The following AARSD1 variants were observed in gnomAD, a reference collection of about 807,000 sequenced individuals.
The protein encoded by AARSD1 is alanyl-tRNA editing protein Aarsd1.
In AARSD1, 44 loss-of-function variants were observed where a neutral mutation model predicts 48.7. The ratio of observed to expected loss-of-function variants is 0.90; its 90% CI spans 0.71 to 1.16. The LOEUF (loss-of-function observed/expected upper bound fraction) is 1.16. AARSD1 is among the 50% of genes most tolerant of loss of function. AARSD1 has a pLI of 0.00. For missense variants in AARSD1, 511 were observed against 523.1 expected (o/e 0.98, Z 0.23); for synonymous variants, 189 against 194.9 (o/e 0.97, Z 0.25).
At chr17:42,957,230 A>G (rs1201309781) in intron 3 of AARSD1, 35 bp from the exon 4 acceptor site, 3 of 1,612,212 alleles carry the variant, frequency 1.9e-6, no homozygotes, top group Non-Finnish European at 2.5e-6. Context: ...GAGAAAAGTG[A>G]GAAGCCTACA....
At chr17:42,958,371 T>C (rs574900084) in intron 3 of AARSD1, among the ~76,000 whole-genome samples, 1 of 151,350 alleles carries the variant, frequency 6.6e-6, no homozygotes, top group Non-Finnish European at 1.5e-5. Flanking sequence ...TGTGGTGGCA[T>C]GCACCTGTAA....
intron 10 of AARSD1, chr17:42,952,172 A>G: frequency 2.3e-6 from 1 of 426,106 alleles, no homozygotes; most frequent in Non-Finnish European, 4.3e-6. Context: ...TCACTCTTGC[A>G]AACTTTTCCC....
chr17:42,957,304 A>C, intron 3 of AARSD1, 109 bp from the exon 4 acceptor site: 1 of 1,432,746 alleles, frequency 7.0e-7, no homozygotes, highest in Non-Finnish European at 9.6e-7. Context: ...CTTGTTGAAG[A>C]CCTGCTAAGC....
At chr17:42,952,220 AGGTTT>A in intron 10 of AARSD1, 1 of 335,270 alleles carries the variant, frequency 3.0e-6, no homozygotes, top group Non-Finnish European at 5.7e-6. Flanking sequence ...CTAAACCACC[AGGTTT>A]CCCTCTGCCT....
intron 3 of AARSD1, among the ~76,000 whole-genome samples, chr17:42,958,525 A>T (rs974965274): frequency 6.6e-6 from 1 of 151,806 alleles, no homozygotes; most frequent in African/African-American, 2.4e-5. Context: ...AAAATTAAAT[A>T]AAATTTATTT....
At chr17:42,961,461 A>G (rs952548164) in intron 2 of AARSD1, 110 bp from the exon 3 acceptor site, 2 of 1,504,320 alleles carry the variant, frequency 1.3e-6, no homozygotes, top group African/African-American at 2.8e-5. Context: ...CCTAAGGGAG[A>G]GGGAGAAAGC....
intron 3 of AARSD1, 139 bp downstream of exon 3, chr17:42,961,052 TC>T: frequency 7.3e-7 from 1 of 1,363,352 alleles, no homozygotes; most frequent in Non-Finnish European, 9.8e-7. Context: ...AGGATATCCT[TC>T]CTGAATTACA....
At position 42,964,394 on chromosome 17, in the gene AARSD1, C is replaced by T; in HGVS notation, c.39+8G>A. On this transcript the variant is annotated splice_region_variant and intron_variant, in intron 1 of 11. Transcript: ENST00000427569. ...GGCAGTCTCAAGTGCCTCGCCGTGA[C>T]GCCGTACCTCTCGGGCATAACTGTC... The T allele has an allele frequency of 1.3e-6, 2 of 1,552,786 alleles. No individual in the cohort carries two copies. Among genetic ancestry groups the T allele is most frequent in the South Asian group, 1.2e-5 (1 of 84,700 alleles).
chr17:42,956,029 G>C, intron 6 of AARSD1, 57 bp from the exon 7 acceptor site: 1 of 1,611,788 alleles, frequency 6.2e-7, no homozygotes. Context: ...ATAAACCACA[G>C]CGGATCCTAG....
Position 42,964,450 on chromosome 17 carries a change from C to T in AARSD1, c.-10G>A, listed in dbSNP as rs745326659. 5.2e-5 allele frequency: 80 copies of T among 1,550,538 alleles called. No individual in the cohort carries two copies. Among genetic ancestry groups the T allele is most frequent in the South Asian group, 4.8e-4 (40 of 84,084 alleles). On this transcript the variant is annotated 5_prime_UTR_variant, in exon 1 of 12. Transcript: ENST00000427569. ...GACACCAGAACGCCATACCTGCAGG[C>T]GTGTGAGGAGGCGCACGCGCAGAGA...
rs1293529918 is a variant in AARSD1 at position 42,955,888 on chromosome 17, T to C, written c.748A>G (p.Met250Val). 1 of 1,614,124 alleles carries C rather than the reference T, an allele frequency of 6.2e-7. No individual in the cohort carries two copies. The highest frequency in any genetic ancestry group is 1.3e-5 in the African/African-American group (1 of 75,028). ...TTTTCAGTTCCATGACTTCTCTCCA[T>C]CCACTTCAGCACCCGGTTCCCAGAC... ...FLSGNRVLKWMERSHGTEKAL... is the reference protein window; with the variant it reads ...FLSGNRVLKWVERSHGTEKAL... Residue 250 changes from methionine to valine, a missense_variant, in exon 7 of 12, where the codon ATG (methionine) becomes GTG (valine). Coordinates refer to ENST00000427569, the MANE Select transcript of AARSD1 (RefSeq NM_001261434.2).
intron 5 of AARSD1, 21 bp from the exon 6 acceptor site, chr17:42,956,341 G>C: frequency 6.2e-7 from 1 of 1,614,160 alleles, no homozygotes; most frequent in South Asian, 1.1e-5. Context: ...GGAGAGGGGA[G>C]GGACTGTCTG....
chr17:42,953,945 C>T (rs1322263684), intron 9 of AARSD1, 167 bp from the exon 10 acceptor site: 1 of 768,008 alleles, frequency 1.3e-6, no homozygotes, highest in Non-Finnish European at 2.1e-6. Flanking sequence ...AGCTGCCCTT[C>T]TCAGCCTCTG....
At chr17:42,951,016 G>A (rs756819416) in intron 11 of AARSD1, among the ~76,000 whole-genome samples, 12 of 151,978 alleles carry the variant, frequency 7.9e-5, no homozygotes, top group East Asian at 1.9e-4. Context: ...AAAATCAGCC[G>A]GGCATGGTGG....
At position 42,957,171 on chromosome 17, in the gene AARSD1, G is replaced by A. The variant is rs373734231; in HGVS notation, c.356C>T (p.Ala119Val). Residue 119 changes from alanine to valine, a missense_variant, in exon 4 of 12, where the codon GCT becomes GTT. Physicochemically the swap from Ala to Val is moderately conservative, Grantham distance 64 (BLOSUM62 0). Transcript: ENST00000427569. ...HSGQHLITAV[A>V]DHLFKLKTTS... ...TGTCTTCAGCTTAAATAGATGGTCA[G>A]CAACTGCCGTGATGAGATGCTGCCC... 1 of 1,613,588 alleles carries A rather than the reference G, an allele frequency of 6.2e-7. No homozygotes were observed. Among genetic ancestry groups the A allele is most frequent in the African/African-American group, 1.3e-5 (1 of 74,866 alleles).
chr17:42,956,888 C>T lies in AARSD1; in HGVS notation c.389+250G>A, dbSNP rs532570371. Among the ~76,000 whole-genome samples the T allele has an allele frequency of 1.9e-4, 28 of 147,546 alleles. No individual in the cohort carries two copies. In the South Asian group the frequency reaches 2.6e-3, roughly 14 times the overall value. On this transcript the variant is annotated intron_variant, in intron 4 of 11. Transcript: ENST00000427569. The stretch of plus-strand genomic sequence containing the variant: ...TTCACCGTGTTAGCCAGGATGGTCT[C>T]GATCTCCTGACCTCGTGATCCGCCC...
Position 42,964,092 on chromosome 17 carries a change from G to A in AARSD1, c.171+14C>T. 6.2e-7 allele frequency: 1 copy of A among 1,614,078 alleles called. No homozygotes were observed. The highest frequency in any genetic ancestry group is 8.5e-7 in the Non-Finnish European group (1 of 1,180,016). On this transcript the variant is annotated intron_variant, in intron 2 of 11. Transcript: ENST00000427569. ...AGAAACTGGGGGCTTCCTGGGAAGA[G>A]ATCGTTTTGGTACCTGTCCCCCGCC...
intron 10 of AARSD1, among the ~76,000 whole-genome samples, chr17:42,953,192 G>A (rs1047844134): frequency 6.6e-6 from 1 of 152,048 alleles, no homozygotes; most frequent in Non-Finnish European, 1.5e-5. Flanking sequence ...GTTGCCCAGG[G>A]TGGTCTCGAA....
In AARSD1 at chr17:42,951,790, A is replaced by T. The variant is rs768895021; in HGVS notation, c.1103+10T>A. ...CTACTACATGTGCAAGAGAGTCCAC[A>T]AAGAATTACCTGGGCCCCAGGGTCT... On this transcript the variant is annotated intron_variant, in intron 11 of 11. Coordinates refer to ENST00000427569, the MANE Select transcript of AARSD1 (RefSeq NM_001261434.2). 8.7e-6 allele frequency: 14 copies of T among 1,614,064 alleles called. No homozygotes were observed. In the Admixed American group the frequency reaches 2.3e-4, roughly 27 times the overall value.
Sources: gnomAD v4.1 joint callset for allele counts (sites outside exome capture counted in the v4.1 genomes callset) on GRCh38, gnomAD v4.1.1 for gene constraint, MANE v1.5 for transcripts, NCBI Gene and HGNC (gene_info 2026-07-23, HGNC 2026-07-21) for gene names.